The following TRIP12 variants were observed in gnomAD, a reference collection of about 807,000 sequenced individuals.
TRIP12 encodes the protein E3 ubiquitin-protein ligase TRIP12.
TRIP12 carries 25 observed loss-of-function variants against 244.2 expected under a neutral mutation model. The observed-to-expected ratio is 0.10, with a 90% confidence interval of 0.07 to 0.14. The LOEUF is 0.14. Ranked by LOEUF, TRIP12 falls within the 10% of genes least tolerant of loss-of-function variation. TRIP12 has a pLI of 1.00. For missense variants in TRIP12, 1,677 were observed against 2,486.4 expected, an observed-to-expected ratio of 0.67 and a Z score of 6.92; for synonymous variants, 905 against 873.1, an observed-to-expected ratio of 1.04 and a Z score of -0.64.
chr2:229,851,272 A>G (rs554396839), intron 4 of TRIP12, among the ~76,000 whole-genome samples: 3 of 152,190 alleles, frequency 2.0e-5, no homozygotes, highest in East Asian at 1.9e-4. Context: ...AAACACACCA[A>G]TCCGCACCCT....
chr2:229,800,647 T>G (rs998819963), intron 21 of TRIP12, among the ~76,000 whole-genome samples: 12 of 152,224 alleles, frequency 7.9e-5, no homozygotes, highest in Non-Finnish European at 1.5e-4. Context: ...ATGGAACCAC[T>G]TAAAACTATT....
In TRIP12 at chr2:229,787,655, A is replaced by G. The variant is rs1339832735; in HGVS notation, c.4845T>C (p.Phe1615=). ...WLTELGKTCP[F]FFPFDTRQML... is the part of the protein sequence containing the mutation. ...TTTGCCGGGTATCAAAAGGAAAGAAAAATGGGCTGTAAAAAGATGCAATGT... is the reference window on the plus strand; with the variant it reads ...TTTGCCGGGTATCAAAAGGAAAGAAGAATGGGCTGTAAAAAGATGCAATGT... Residue 1615 remains phenylalanine (F), a synonymous_variant, in exon 33 of 42, where the codon TTT becomes TTC. Transcript: ENST00000675903. 1.9e-6 allele frequency: 3 copies of G among 1,603,438 alleles called. No individual in the cohort carries two copies. The highest frequency in any genetic ancestry group is 2.6e-6 in the Non-Finnish European group (3 of 1,175,582).
At chr2:229,908,364 A>G (rs1311563167) in intron 1 of TRIP12, among the ~76,000 whole-genome samples, 2 of 152,228 alleles carry the variant, frequency 1.3e-5, no homozygotes, top group East Asian at 3.8e-4. Flanking sequence ...ATTCTGAGAA[A>G]TATCTTGGTA....
At chr2:229,777,986 A>C (rs2036833555) in intron 36 of TRIP12, among the ~76,000 whole-genome samples, 1 of 152,226 alleles carries the variant, frequency 6.6e-6, no homozygotes, top group African/African-American at 2.4e-5. Context: ...AAATGTCCAG[A>C]AACATTCCAA....
intron 18 of TRIP12, among the ~76,000 whole-genome samples, chr2:229,804,999 G>C (rs1286343483): frequency 1.3e-5 from 2 of 152,052 alleles, no homozygotes; most frequent in African/African-American, 4.8e-5. Flanking sequence ...TCCGCTTCCC[G>C]GGTTCACGCC....
Position 229,860,395 on chromosome 2 carries a change from T to A in TRIP12, c.224+11A>T. 6.3e-7 allele frequency: 1 copy of A among 1,591,938 alleles called. No homozygotes were observed. The highest frequency in any genetic ancestry group is 8.5e-7 in the Non-Finnish European group (1 of 1,169,796). On this transcript the variant is annotated intron_variant, in intron 3 of 41. Transcript: ENST00000675903. ...CTGCCTTGAAAATGTATAAGCAACA[T>A]GAAGATTTACCTTTTAGAAAGGTGT... is the stretch of plus-strand genomic sequence containing the variant.
intron 18 of TRIP12, among the ~76,000 whole-genome samples, chr2:229,804,590 C>A (rs4972916): frequency 2.0e-5 from 3 of 151,968 alleles, no homozygotes; most frequent in Admixed American, 2.0e-4. Context: ...AGAAATGCAC[C>A]ATATTTCACT....
At chr2:229,864,570 T>C (rs2061167009) in intron 2 of TRIP12, among the ~76,000 whole-genome samples, 1 of 152,086 alleles carries the variant, frequency 6.6e-6, no homozygotes. Flanking sequence ...TTTCAACTTT[T>C]TTTTTTTTTT....
chr2:229,813,774 A>G (rs973043390), intron 13 of TRIP12, 96 bp downstream of exon 13: 2 of 892,104 alleles, frequency 2.2e-6, no homozygotes, highest in African/African-American at 3.5e-5. Context: ...ACAGAGCGAG[A>G]CTCCCATCTC....
intron 5 of TRIP12, among the ~76,000 whole-genome samples, chr2:229,839,579 C>T (rs1027260074): frequency 4.6e-5 from 7 of 151,270 alleles, no homozygotes; most frequent in African/African-American, 1.5e-4. Flanking sequence ...CTCGGGAGGC[C>T]GAGGCAGGAG....
chr2:229,804,329 C>T, intron 18 of TRIP12, 102 bp from the exon 19 acceptor site: 4 of 1,026,300 alleles, frequency 3.9e-6, no homozygotes, highest in Non-Finnish European at 5.7e-6. Flanking sequence ...TCTTGAAATG[C>T]TATGAAAACT....
intron 5 of TRIP12, 107 bp from the exon 6 acceptor site, chr2:229,837,091 G>T: frequency 1.7e-6 from 2 of 1,201,802 alleles, no homozygotes; most frequent in Non-Finnish European, 2.1e-6. Context: ...TTTCTTCTTC[G>T]TCCTCTTTTT....
chr2:229,898,563 A>C (rs1158445756), intron 1 of TRIP12, among the ~76,000 whole-genome samples: 1 of 152,270 alleles, frequency 6.6e-6, no homozygotes, highest in African/African-American at 2.4e-5. Flanking sequence ...GACCTTTAAA[A>C]GGGTAAATTC....
At chr2:229,896,794 T>C (rs1411050855) in intron 1 of TRIP12, among the ~76,000 whole-genome samples, 1 of 152,092 alleles carries the variant, frequency 6.6e-6, no homozygotes. Context: ...ATACAAACAC[T>C]AGGCAAAGCT....
intron 6 of TRIP12, among the ~76,000 whole-genome samples, chr2:229,833,449 G>C (rs1371288529): frequency 1.3e-5 from 2 of 152,076 alleles, no homozygotes; most frequent in African/African-American, 4.8e-5. Context: ...CACCAAGTCT[G>C]GCTAAGTTTT....
At chr2:229,789,003 T>C (rs1159866826) in intron 31 of TRIP12, 63 bp from the exon 32 acceptor site, 4 of 1,449,070 alleles carry the variant, frequency 2.8e-6, no homozygotes, top group Non-Finnish European at 3.8e-6. Flanking sequence ...ATATTCACAA[T>C]CTCTTCCATT....
intron 1 of TRIP12, among the ~76,000 whole-genome samples, chr2:229,882,093 T>C (rs368329841): frequency 7.9e-5 from 12 of 152,318 alleles, no homozygotes; most frequent in African/African-American, 2.9e-4. Context: ...GCATACATAC[T>C]TCCCCCTGTG....
chr2:229,912,222 C>T (rs188487392), intron 1 of TRIP12, among the ~76,000 whole-genome samples: 14 of 152,290 alleles, frequency 9.2e-5, no homozygotes, highest in African/African-American at 3.4e-4. Flanking sequence ...ACCTTCACTA[C>T]TTCTATCTCC....
At chr2:229,898,187 T>C (rs186327371) in intron 1 of TRIP12, among the ~76,000 whole-genome samples, 1 of 152,234 alleles carries the variant, frequency 6.6e-6, no homozygotes, top group East Asian at 1.9e-4. Flanking sequence ...CACACATTGA[T>C]AAGTCAATGT....
Sources: gnomAD v4.1 joint callset for allele counts (sites outside exome capture counted in the v4.1 genomes callset) on GRCh38, gnomAD v4.1.1 for gene constraint, MANE v1.5 for transcripts, NCBI Gene and HGNC (gene_info 2026-07-23, HGNC 2026-07-21) for gene names.